JMJD1C: variants seen among roughly 807,000 people sequenced by gnomAD.
JMJD1C encodes jumonji domain containing 1C, also known as jumonji domain-containing protein 1C.
In JMJD1C, 31 loss-of-function variants were observed where a neutral mutation model predicts 245.3. The observed-to-expected ratio is 0.13, with a 90% CI of 0.09 to 0.17. The LOEUF is 0.17. JMJD1C is among the 10% of genes least tolerant of loss of function. The pLI is 1.00. For missense variants in JMJD1C, 2,691 were observed against 3,000.2 expected, an observed-to-expected ratio of 0.90 and a Z score of 2.41; for synonymous variants, 1,057 against 1,017.4, an observed-to-expected ratio of 1.04 and a Z score of -0.74.
chr10:63,521,322 T>TAGGCTGCC (rs1250953117), intron 1 of JMJD1C: 2 of 132,138 alleles, frequency 1.5e-5, no homozygotes, highest in African/African-American at 2.8e-5. Flanking sequence ...CTGTCCGGAC[T>TAGGCTGCC]AGGCTGCCGG....
chr10:63,450,467 TA>T (rs926331369), intron 1 of JMJD1C, among the ~76,000 whole-genome samples: 5 of 151,134 alleles, frequency 3.3e-5, no homozygotes, highest in Admixed American at 1.3e-4. Context: ...AAAGAGAAAT[TA>T]AAAAAAAATT....
chr10:63,238,778 TGTG>T (rs761602945), intron 3 of JMJD1C, among the ~76,000 whole-genome samples: 2 of 152,200 alleles, frequency 1.3e-5, no homozygotes, highest in Non-Finnish European at 2.9e-5. Context: ...ATAGTCTAAG[TGTG>T]GGACTAGGAG....
intron 10 of JMJD1C, chr10:63,204,078 G>A (rs1846325256): frequency 1.1e-6 from 1 of 883,508 alleles, no homozygotes; most frequent in Non-Finnish European, 1.4e-6. Flanking sequence ...TTACACCTGT[G>A]AATATCCACT....
intron 1 of JMJD1C, among the ~76,000 whole-genome samples, chr10:63,459,531 T>C (rs767055471): frequency 2.0e-5 from 3 of 152,206 alleles, no homozygotes; most frequent in Non-Finnish European, 4.4e-5. Context: ...TTTAGAAAGT[T>C]AGATATTTAT....
At chr10:63,295,145 T>A (rs1285873341) in intron 2 of JMJD1C, among the ~76,000 whole-genome samples, 2 of 152,142 alleles carry the variant, frequency 1.3e-5, no homozygotes, top group African/African-American at 4.8e-5. Flanking sequence ...TGGAGTACAG[T>A]GGCTTGATCA....
rs766627474 is a variant in JMJD1C, at chr10:63,214,281, G to A, written c.1886C>T (p.Thr629Ile). The A allele has an allele frequency of 5.0e-6, 8 of 1,613,900 alleles. No individual in the cohort carries two copies. Among genetic ancestry groups the A allele is most frequent in the Non-Finnish European group, 5.9e-6 (7 of 1,179,950 alleles). ...TTTTATCTTGTGAGTATCTACTGAA[G>A]TATTAAGTTTAGATTTTATAGTCTC... The part of the protein sequence containing the change: ...PPETIKSKLN[T>I]SVDTHKIKSS... The change falls in exon 8 of 26, where the codon ACT becomes ATT. Residue 629 changes from threonine (T) to isoleucine (I), a missense_variant. Thr to Ile is a moderately conservative substitution (Grantham distance 89). Around this residue, in one of 9 missense-constraint regions of JMJD1C, gnomAD observed 1,562 missense variants for 1,490.7 expected, o/e 1.05. Coordinates refer to ENST00000399262, the MANE Select transcript of JMJD1C (RefSeq NM_032776.3).
Position 63,197,555 on chromosome 10 carries a change from C to A in JMJD1C, c.5500G>T (p.Ala1834Ser). ...LSWVKKDAKI[A>S]WKRAVRGVRE... ...ACTCCTCTCACTGCTCTTTTCCAGG[C>A]AATTTTGGCTGAAATACAGAAAAAA... Residue 1834 changes from alanine to serine, a missense_variant, in exon 13 of 26, where the codon GCC becomes TCC. This residue lies in a region of JMJD1C where 139 missense variants were observed against 270.5 expected (regional missense o/e 0.51). Coordinates refer to ENST00000399262, the MANE Select transcript of JMJD1C (RefSeq NM_032776.3). The A allele has an allele frequency of 6.6e-7, 1 of 1,517,614 alleles. No homozygotes were observed. The highest frequency in any genetic ancestry group is 8.8e-7 in the Non-Finnish European group (1 of 1,135,836). The allele number at this position is 1,517,614 out of a possible 1,614,324, so 94.0% of individuals were successfully genotyped here. A position where few individuals can be genotyped will look rare whatever the true frequency, so the allele number is the denominator to read the frequency against.
rs1846813482 is a variant in JMJD1C, at chr10:63,207,733, A to C, written c.3936T>G (p.Ser1312Arg). The change falls in exon 10 of 26, where the codon AGT becomes AGG. Residue 1312 changes from serine (S) to arginine (R), a missense_variant. Ser to Arg is a moderately radical substitution (Grantham distance 110). Coordinates refer to ENST00000399262, the MANE Select transcript of JMJD1C (RefSeq NM_032776.3). ...MASVIVRPSS[S>R]TKTDSMPAMQ... ...TTGCTGGCATACTATCAGTTTTTGT[A>C]CTAGAAGATGGACGCACAATGACAG... The C allele has an allele frequency of 6.2e-7, 1 of 1,614,088 alleles. No individual in the cohort carries two copies. The highest frequency in any genetic ancestry group is 1.3e-5 in the African/African-American group (1 of 74,938).
chr10:63,420,823 G>A (rs1390545028), intron 1 of JMJD1C, among the ~76,000 whole-genome samples: 1 of 150,458 alleles, frequency 6.6e-6, no homozygotes, highest in East Asian at 2.0e-4. Flanking sequence ...GAAAGTAAAA[G>A]GAAAGAAAAT....
At chr10:63,500,114 C>T (rs1057237890) in intron 1 of JMJD1C, among the ~76,000 whole-genome samples, 2 of 152,138 alleles carry the variant, frequency 1.3e-5, no homozygotes, top group Non-Finnish European at 2.9e-5. Context: ...TAGAACAGTC[C>T]ATAATAAATA....
At chr10:63,363,252 CTT>C (rs71463517) in intron 2 of JMJD1C, among the ~76,000 whole-genome samples, 5,464 of 99,710 alleles carry the variant, frequency 0.055, 162 homozygotes, top group African/African-American at 0.12. Context: ...TCATACAATT[CTT>C]TTTTTTTTTT....
chr10:63,307,081 T>C (rs1313201465), intron 2 of JMJD1C, among the ~76,000 whole-genome samples: 6 of 152,194 alleles, frequency 3.9e-5, no homozygotes, highest in African/African-American at 1.4e-4. Flanking sequence ...AAAGAGGTAT[T>C]TAAAGGCAAA....
At chr10:63,286,627 T>G (rs1027248835) in intron 2 of JMJD1C, among the ~76,000 whole-genome samples, 1 of 152,200 alleles carries the variant, frequency 6.6e-6, no homozygotes. Flanking sequence ...TTGAACCACA[T>G]AGAGGCCCTT....
In JMJD1C at chr10:63,370,881, A is replaced by G. The variant is rs775582075; in HGVS notation, c.333+9437T>C. 3.9e-5 allele frequency among the ~76,000 whole-genome samples: 6 copies of G among 152,210 alleles called. 1 individual carries two copies. In the South Asian group the frequency reaches 1.2e-3, roughly 31 times the overall value. ...ATAACATCATTATATGAAATTTCCAATTTGCTAGGAAATAATAGTTGTTTT... is the reference window on the plus strand; with the variant it reads ...ATAACATCATTATATGAAATTTCCAGTTTGCTAGGAAATAATAGTTGTTTT... On this transcript the variant is annotated intron_variant, in intron 2 of 25. Coordinates refer to ENST00000399262, the MANE Select transcript of JMJD1C (RefSeq NM_032776.3).
In JMJD1C at chr10:63,219,948, G is replaced by A; in HGVS notation, c.483C>T (p.Asp161=). Residue 161 remains aspartate, a synonymous_variant, in exon 4 of 26, where the codon GAC becomes GAT. Coordinates refer to ENST00000399262, the MANE Select transcript of JMJD1C (RefSeq NM_032776.3). ...DIDSLNPVLR[D]NPQLHEEVKV... ...TCACTTCCTCATGAAGCTGCGGGTT[G>A]TCCCTGAGAACTGGGTTTAGGCTGT... The A allele has an allele frequency of 6.2e-7, 1 of 1,613,658 alleles. No individual in the cohort carries two copies. Among genetic ancestry groups the A allele is most frequent in the Non-Finnish European group, 8.5e-7 (1 of 1,179,680 alleles).
intron 1 of JMJD1C, among the ~76,000 whole-genome samples, chr10:63,426,627 C>T (rs1225299139): frequency 6.6e-6 from 1 of 151,806 alleles, no homozygotes; most frequent in African/African-American, 2.4e-5. Flanking sequence ...GCCAAGATCG[C>T]GCCATTGCAC....
intron 1 of JMJD1C, among the ~76,000 whole-genome samples, chr10:63,480,418 G>C (rs539497684): frequency 1.5e-4 from 22 of 151,644 alleles, no homozygotes; most frequent in Admixed American, 8.6e-4. Flanking sequence ...CCTTGGCTCA[G>C]GTGATCCTCC....
At chr10:63,185,525 T>A (rs773672311) in intron 20 of JMJD1C, 38 bp downstream of exon 20, 2 of 1,158,652 alleles carry the variant, frequency 1.7e-6, no homozygotes, top group South Asian at 1.2e-5. Flanking sequence ...CTTAGCTCGA[T>A]CTCAAAAAGT....
chr10:63,390,549 A>C (rs1288620063), intron 1 of JMJD1C, among the ~76,000 whole-genome samples: 1 of 145,928 alleles, frequency 6.9e-6, no homozygotes, highest in Admixed American at 7.0e-5. Flanking sequence ...ATATTACCCT[A>C]ATACCAAAAC....
Sources: gnomAD v4.1 joint callset for allele counts (sites outside exome capture counted in the v4.1 genomes callset) on GRCh38, gnomAD v4.1.1 for gene constraint, gnomAD v4.1.1 regional missense constraint, MANE v1.5 for transcripts, NCBI Gene and HGNC (gene_info 2026-07-23, HGNC 2026-07-21) for gene names.